The following RNF185 variants were observed in gnomAD, a reference collection of about 807,000 sequenced individuals.
RNF185 encodes the protein ring finger protein 185.
A neutral mutation model predicts 24.9 loss-of-function variants in RNF185; 13 were observed. The observed-to-expected ratio is 0.52, with a 90% CI of 0.34 to 0.83. The LOEUF is 0.83. Ranked by LOEUF, RNF185 falls within the 40% of genes least tolerant of loss-of-function variation. RNF185 has a pLI of 0.01. For synonymous variants in RNF185, 79 were observed against 90.3 expected (o/e 0.88, Z 0.71); for missense variants, 184 against 244.7 (o/e 0.75, Z 1.65).
rs2048182366 is a variant in RNF185, at chr22:31,194,198, T to A, written c.196-1271T>A. Among the ~76,000 whole-genome samples the A allele has an allele frequency of 2.0e-5, 3 of 152,000 alleles. No individual in the cohort carries two copies. In the South Asian group the frequency reaches 6.2e-4, roughly 32 times the overall value. ...CAAGCGTGAGCCACCGCGCCTGGCC[T>A]AAACAAAAAATTTTAATGTAACCAG... On this transcript the variant is annotated intron_variant, in intron 3 of 6. Coordinates refer to ENST00000326132, the MANE Select transcript of RNF185 (RefSeq NM_152267.4).
intron 1 of RNF185, among the ~76,000 whole-genome samples, chr22:31,161,561 G>T (rs1923576353): frequency 1.3e-5 from 2 of 152,194 alleles, no homozygotes; most frequent in Middle Eastern, 3.2e-3. Flanking sequence ...AGTAAACTGG[G>T]TCCCACCCCA....
In RNF185 at chr22:31,174,251, C is replaced by T. The variant is rs558646657; in HGVS notation, c.-48-12796C>T. On this transcript the variant is annotated intron_variant, in intron 1 of 6. Transcript: ENST00000326132. ...GAGATTTGAACTCAGCCATCACATT[C>T]CTCTGTGCCGTGCTAGTTTTTAAGG... is the stretch of plus-strand genomic sequence containing the variant. 3.3e-5 allele frequency among the ~76,000 whole-genome samples: 5 copies of T among 152,172 alleles called. 1 individual carries two copies. In the South Asian group the frequency reaches 1.0e-3, roughly 32 times the overall value.
chr22:31,163,889 G>C (rs1923743382), intron 1 of RNF185, among the ~76,000 whole-genome samples: 3 of 151,878 alleles, frequency 2.0e-5, no homozygotes, highest in Admixed American at 1.3e-4. Context: ...GGCCAGGATG[G>C]TCTCAATCTC....
At chr22:31,182,056 T>TAAA (rs200392556) in intron 1 of RNF185, among the ~76,000 whole-genome samples, 1 of 140,708 alleles carries the variant, frequency 7.1e-6, no homozygotes, top group African/African-American at 2.6e-5. Flanking sequence ...AGGTTTTGTT[T>TAAA]AAAAAAAAAA....
chr22:31,192,716 C>T lies in RNF185; in HGVS notation c.195+14C>T. The T allele has an allele frequency of 6.2e-7, 1 of 1,613,114 alleles. No homozygotes were observed. The highest frequency in any genetic ancestry group is 8.5e-7 in the Non-Finnish European group (1 of 1,179,122). ...TGTTTACATCAGGTAAGATGCATTT[C>T]ATTTTACTTTGTCTTTCATCAGCTC... On this transcript the variant is annotated intron_variant, in intron 3 of 6. Coordinates refer to ENST00000326132, the MANE Select transcript of RNF185 (RefSeq NM_152267.4).
At chr22:31,190,422 G>A (rs1429131241) in intron 2 of RNF185, among the ~76,000 whole-genome samples, 1 of 152,002 alleles carries the variant, frequency 6.6e-6, no homozygotes, top group African/African-American at 2.4e-5. Context: ...GAGAAGCTGG[G>A]ATTACACATA....
chr22:31,198,783 T>C (rs1288206706), intron 5 of RNF185, among the ~76,000 whole-genome samples: 1 of 138,636 alleles, frequency 7.2e-6, no homozygotes, highest in Non-Finnish European at 1.5e-5. Flanking sequence ...GATTATTGAG[T>C]CAGGGATCTT....
rs566278576 is a variant in RNF185 at position 31,176,484 on chromosome 22, T to C, written c.-48-10563T>C. Among the ~76,000 whole-genome samples, 55 of 147,030 alleles carry C rather than the reference T, an allele frequency of 3.7e-4. No individual in the cohort carries two copies. In the South Asian group the frequency reaches 0.012, roughly 31 times the overall value. On this transcript the variant is annotated intron_variant, in intron 1 of 6. Coordinates refer to ENST00000326132, the MANE Select transcript of RNF185 (RefSeq NM_152267.4). Reference sequence around the variant, plus strand: ...TATACAATTTTACATCCTGCTTTTTTCTTTTTCTTTTTTTTTTTTTTTTAG... The same window carrying C: ...TATACAATTTTACATCCTGCTTTTTCCTTTTTCTTTTTTTTTTTTTTTTAG...
intron 1 of RNF185, among the ~76,000 whole-genome samples, chr22:31,174,368 C>G (rs576821563): frequency 7.6e-5 from 8 of 105,084 alleles, no homozygotes; most frequent in African/African-American, 3.1e-4. Flanking sequence ...CCATTTCACT[C>G]TTTAAAAAAA....
At chr22:31,202,607 CTTTTTT>C (rs71202049) in intron 6 of RNF185, among the ~76,000 whole-genome samples, 2 of 83,756 alleles carry the variant, frequency 2.4e-5, no homozygotes, top group Non-Finnish European at 4.2e-5. Context: ...TTGGGAATGC[CTTTTTT>C]TTTTTTTTTT....
intron 4 of RNF185, among the ~76,000 whole-genome samples, chr22:31,196,634 G>A (rs574718356): frequency 1.6e-4 from 24 of 152,334 alleles, no homozygotes; most frequent in Middle Eastern, 6.8e-3. Context: ...CCCAGGGAAG[G>A]CATCTGGCCA....
At chr22:31,184,335 C>T (rs1042305183) in intron 1 of RNF185, among the ~76,000 whole-genome samples, 5 of 151,330 alleles carry the variant, frequency 3.3e-5, no homozygotes, top group Admixed American at 3.3e-4. Context: ...GGGGCAGAGG[C>T]GCTCCCCACA....
At chr22:31,173,535 C>T (rs774587585) in intron 1 of RNF185, among the ~76,000 whole-genome samples, 1 of 152,046 alleles carries the variant, frequency 6.6e-6, no homozygotes, top group African/African-American at 2.4e-5. Context: ...CGCACAAGAA[C>T]AGATCACTGA....
chr22:31,193,235 C>T (rs1313163550), intron 3 of RNF185, among the ~76,000 whole-genome samples: 1 of 152,148 alleles, frequency 6.6e-6, no homozygotes, highest in Non-Finnish European at 1.5e-5. Flanking sequence ...GTACCACACT[C>T]GTAGGTGGCC....
At chr22:31,191,122 G>A (rs1227412606) in intron 2 of RNF185, among the ~76,000 whole-genome samples, 1 of 152,188 alleles carries the variant, frequency 6.6e-6, no homozygotes, top group Non-Finnish European at 1.5e-5. Context: ...TATCCCTGTC[G>A]TTCAGTGATA....
chr22:31,160,495 A>G (rs1005540263), intron 1 of RNF185, among the ~76,000 whole-genome samples, 192 bp downstream of exon 1: 2 of 152,092 alleles, frequency 1.3e-5, no homozygotes, highest in Non-Finnish European at 2.9e-5. Flanking sequence ...ATGAATACAG[A>G]TTGGGGAAAC....
chr22:31,204,827 A>T lies in RNF185; in HGVS notation c.*241A>T. 1 of 442,400 alleles carries T rather than the reference A, an allele frequency of 2.3e-6. No individual in the cohort carries two copies. Among genetic ancestry groups the T allele is most frequent in the East Asian group, 3.8e-5 (1 of 26,290 alleles). The allele number at this position is 442,400 out of a possible 1,614,324, so 27.4% of individuals were successfully genotyped here. A position where few individuals can be genotyped will look rare whatever the true frequency, so the allele number is the denominator to read the frequency against. ...AGGCCTTGGCATTGAGTCATCTCTC[A>T]TGGGTGACACCATGAAATCTTGTTT... On this transcript the variant is annotated 3_prime_UTR_variant, in exon 7 of 7. Coordinates refer to ENST00000326132, the MANE Select transcript of RNF185 (RefSeq NM_152267.4).
intron 1 of RNF185, among the ~76,000 whole-genome samples, chr22:31,174,681 A>AT (rs900003616): frequency 6.6e-6 from 1 of 151,616 alleles, no homozygotes; most frequent in African/African-American, 2.4e-5. Flanking sequence ...CTTGTCCTCC[A>AT]TTTTGTCCTT....
intron 6 of RNF185, among the ~76,000 whole-genome samples, chr22:31,204,188 C>A (rs2048291796): frequency 6.7e-6 from 1 of 149,270 alleles, no homozygotes; most frequent in Non-Finnish European, 1.5e-5. Context: ...ACTAAAAATA[C>A]AAAAATTAGC....
Sources: gnomAD v4.1 joint callset for allele counts (sites outside exome capture counted in the v4.1 genomes callset) on GRCh38, gnomAD v4.1.1 for gene constraint, MANE v1.5 for transcripts, NCBI Gene and HGNC (gene_info 2026-07-23, HGNC 2026-07-21) for gene names.